The following CSMD1 variants were observed in gnomAD, a reference collection of about 807,000 sequenced individuals.
CSMD1 encodes CUB and Sushi multiple domains 1.
Under a neutral mutation model 417.5 loss-of-function variants are expected in CSMD1, and 213 were observed. That is an observed-to-expected ratio of 0.51 (90% CI 0.46 to 0.57). The LOEUF is 0.57. CSMD1 is among the 20% of genes least tolerant of loss of function. CSMD1 has a pLI of 0.00. For synonymous variants in CSMD1, 2,862 were observed against 1,736.8 expected (o/e 1.65, Z -16.11); for missense variants, 6,923 against 4,529.7 (o/e 1.53, Z -15.17).
chr8:4,081,334 T>C (rs965545770), intron 3 of CSMD1, among the ~76,000 whole-genome samples: 3 of 152,168 alleles, frequency 2.0e-5, no homozygotes, highest in African/African-American at 4.8e-5. Context: ...ATAGGTTTGA[T>C]AGGGTTAAAC....
Position 4,040,449 on chromosome 8 carries a change from T to A in CSMD1, c.416-8350A>T, listed in dbSNP as rs1204907974. On this transcript the variant is annotated intron_variant, in intron 3 of 69. Coordinates refer to ENST00000635120, the MANE Select transcript of CSMD1 (RefSeq NM_033225.6). ...ACTGTTAAGAACTGGTAGTAGAGCT[T>A]GCATATGATGATGGATTCAGAATCT... Among the ~76,000 whole-genome samples the A allele has an allele frequency of 2.0e-5, 3 of 152,160 alleles. No individual in the cohort carries two copies. The East Asian group carries it at 5.8e-4, about 29-fold the overall frequency.
At position 3,300,755 on chromosome 8, in the gene CSMD1, G is replaced by A. The variant is rs376868219; in HGVS notation, c.3950+6940C>T. On this transcript the variant is annotated intron_variant, in intron 25 of 69. Coordinates refer to ENST00000635120, the MANE Select transcript of CSMD1 (RefSeq NM_033225.6). The stretch of plus-strand genomic sequence containing the variant: ...GCAGATCATTGGAGGTCAGGAGTTT[G>A]AGACTAGCCTGGCAACAGGGCGAAA... Among the ~76,000 whole-genome samples, 4 of 151,960 alleles carry A rather than the reference G, an allele frequency of 2.6e-5. No homozygotes were observed. The East Asian group carries it at 5.8e-4, about 22-fold the overall frequency.
At chr8:4,920,980 AACAAAGAAAGAAAGAAAAG>A (rs1354252636) in intron 1 of CSMD1, among the ~76,000 whole-genome samples, 3 of 5,052 alleles carry the variant, frequency 5.9e-4, no homozygotes, top group East Asian at 7.6e-3. Context: ...GAAAGAAAGA[AACAAAGAAAGAAAGAAAAG>A]AAAGAAAGAA....
intron 3 of CSMD1, among the ~76,000 whole-genome samples, chr8:4,115,439 ATC>A (rs1287140021): frequency 1.3e-5 from 2 of 152,232 alleles, no homozygotes; most frequent in Non-Finnish European, 2.9e-5. Context: ...CTAAAACTGA[ATC>A]TCTGAGGTAT....
chr8:4,795,383 T>G (rs868660476), intron 1 of CSMD1, among the ~76,000 whole-genome samples: 7 of 147,012 alleles, frequency 4.8e-5, no homozygotes, highest in Non-Finnish European at 8.9e-5. Context: ...GCAATTCTCC[T>G]GCCTCAGCCT....
At chr8:4,846,815 C>CACATA (rs1051624716) in intron 1 of CSMD1, among the ~76,000 whole-genome samples, 4 of 152,126 alleles carry the variant, frequency 2.6e-5, no homozygotes, top group African/African-American at 9.7e-5. Context: ...GTTTGCAAAA[C>CACATA]TATATCTGGC....
chr8:4,786,553 T>C (rs909889356), intron 1 of CSMD1, among the ~76,000 whole-genome samples: 3 of 152,214 alleles, frequency 2.0e-5, no homozygotes, highest in Non-Finnish European at 4.4e-5. Context: ...AAGATGCTTA[T>C]ATTTAGAGAG....
At chr8:3,883,795 TAAAC>T (rs1806373177) in intron 5 of CSMD1, among the ~76,000 whole-genome samples, 1 of 152,112 alleles carries the variant, frequency 6.6e-6, no homozygotes, top group South Asian at 2.1e-4. Context: ...TAAATCTACT[TAAAC>T]AATCCCATTA....
rs1435150249 is a variant in CSMD1, at chr8:4,350,519, G to C, written c.415+69434C>G. ...AGATCACCGCAGCAGTGAGCTCTCA[G>C]CCTGAAGGAGGTAGGAATGGAGGCT... On this transcript the variant is annotated intron_variant, in intron 3 of 69. Coordinates refer to ENST00000635120, the MANE Select transcript of CSMD1 (RefSeq NM_033225.6). Among the ~76,000 whole-genome samples, 3 of 152,196 alleles carry C rather than the reference G, an allele frequency of 2.0e-5. No homozygotes were observed. In the East Asian group the frequency reaches 5.8e-4, roughly 29 times the overall value.
chr8:3,855,307 A>T (rs572223920), intron 5 of CSMD1, among the ~76,000 whole-genome samples: 12 of 152,340 alleles, frequency 7.9e-5, no homozygotes, highest in African/African-American at 2.9e-4. Context: ...TTGAGGCATT[A>T]AAAATTATCT....
chr8:4,336,522 G>T (rs944671009), intron 3 of CSMD1, among the ~76,000 whole-genome samples: 2 of 152,138 alleles, frequency 1.3e-5, no homozygotes, highest in Admixed American at 6.6e-5. Context: ...GGCCAATAAC[G>T]TGTTCGATGA....
chr8:4,665,571 A>T (rs1454877166), intron 1 of CSMD1, among the ~76,000 whole-genome samples: 1 of 152,132 alleles, frequency 6.6e-6, no homozygotes, highest in Non-Finnish European at 1.5e-5. Flanking sequence ...CCATCTCTGT[A>T]GCTTTGCCTT....
chr8:3,132,656 A>G (rs1212139435), intron 41 of CSMD1, among the ~76,000 whole-genome samples: 3 of 152,186 alleles, frequency 2.0e-5, no homozygotes, highest in African/African-American at 7.2e-5. Context: ...CAGATACAAA[A>G]GTAGTTCTGA....
At chr8:4,924,351 C>A (rs1806707349) in intron 1 of CSMD1, among the ~76,000 whole-genome samples, 1 of 152,106 alleles carries the variant, frequency 6.6e-6, no homozygotes, top group Admixed American at 6.6e-5. Flanking sequence ...AGAATTTGAA[C>A]GTTTTCTGTT....
chr8:3,705,545 A>G (rs1801121438), intron 7 of CSMD1, among the ~76,000 whole-genome samples: 1 of 152,210 alleles, frequency 6.6e-6, no homozygotes, highest in Non-Finnish European at 1.5e-5. Flanking sequence ...CTGAAAAAGA[A>G]CGATCATAAA....
At chr8:4,417,666 G>T (rs1479411280) in intron 3 of CSMD1, among the ~76,000 whole-genome samples, 1 of 151,840 alleles carries the variant, frequency 6.6e-6, no homozygotes, top group African/African-American at 2.4e-5. Context: ...GGATCCGTGG[G>T]CAGTCTCTCC....
Position 4,113,294 on chromosome 8 carries a change from C to G in CSMD1, c.416-81195G>C, listed in dbSNP as rs1022461989. ...TAAATCAAAAGCTAGAAATGATTAA[C>G]TAAGTGAGAAAGACATGTCAAAAAA... On this transcript the variant is annotated intron_variant, in intron 3 of 69. Transcript: ENST00000635120. Among the ~76,000 whole-genome samples, 13 of 150,244 alleles carry G rather than the reference C, an allele frequency of 8.7e-5. No homozygotes were observed. In the East Asian group the frequency reaches 1.4e-3, roughly 16 times the overall value.
chr8:3,431,548 C>T (rs537522843), intron 12 of CSMD1, among the ~76,000 whole-genome samples: 2 of 152,140 alleles, frequency 1.3e-5, no homozygotes, highest in South Asian at 4.1e-4. Flanking sequence ...TCTCTTCCAT[C>T]CCTTGTATGA....
intron 3 of CSMD1, among the ~76,000 whole-genome samples, chr8:4,298,964 T>C (rs1252684000): frequency 6.6e-6 from 1 of 152,078 alleles, no homozygotes; most frequent in African/African-American, 2.4e-5. Flanking sequence ...TCATATATAA[T>C]AGAACAATGA....
Sources: allele counts gnomAD v4.1 joint callset (sites outside exome capture counted in the v4.1 genomes callset), GRCh38; gene constraint gnomAD v4.1.1; transcripts MANE v1.5; gene names NCBI Gene and HGNC (gene_info 2026-07-23, HGNC 2026-07-21).